The following RAB27B variants were observed in gnomAD, a reference collection of about 807,000 sequenced individuals.
RAB27B encodes the protein ras-related protein Rab-27B.
In RAB27B, 15 loss-of-function variants were observed where a neutral mutation model predicts 24.6. That is an observed-to-expected ratio of 0.61 (90% CI 0.41 to 0.94). RAB27B has a LOEUF of 0.94. Among genes scored for constraint, RAB27B ranks in the 40% least tolerant of loss-of-function variants. RAB27B has a pLI of 0.00. For missense variants in RAB27B, 261 were observed against 266.8 expected (o/e 0.98, Z 0.15); for synonymous variants, 105 against 92.5 (o/e 1.14, Z -0.78).
intron 1 of RAB27B, among the ~76,000 whole-genome samples, chr18:54,865,266 T>A (rs540446405): frequency 1.5e-4 from 23 of 151,886 alleles, no homozygotes; most frequent in African/African-American, 4.8e-4. Flanking sequence ...TGTGTGTGTG[T>A]GTGTGTGTCC....
At chr18:54,877,831 T>G in intron 2 of RAB27B, 93 bp downstream of exon 2, 1 of 1,290,502 alleles carries the variant, frequency 7.7e-7, no homozygotes, top group Non-Finnish European at 1.0e-6. Context: ...GAGTCTGTCT[T>G]TTGTCACACG....
At chr18:54,769,658 T>C (rs1908481360) in intron 2 of RAB27B, among the ~76,000 whole-genome samples, 1 of 152,196 alleles carries the variant, frequency 6.6e-6, no homozygotes, top group Non-Finnish European at 1.5e-5. Context: ...TGTGATTGCT[T>C]AGATATTCTT....
At chr18:54,801,717 A>G (rs1234831555) in intron 2 of RAB27B, among the ~76,000 whole-genome samples, 1 of 152,176 alleles carries the variant, frequency 6.6e-6, no homozygotes, top group Non-Finnish European at 1.5e-5. Context: ...AGTTGTGACA[A>G]CCAAAAATAT....
At chr18:54,748,968 C>T (rs1910344193) in intron 2 of RAB27B, among the ~76,000 whole-genome samples, 1 of 152,070 alleles carries the variant, frequency 6.6e-6, no homozygotes, top group African/African-American at 2.4e-5. Flanking sequence ...ATGGATGGGA[C>T]AAATTATGGA....
chr18:54,783,266 C>G (rs376779442), intron 2 of RAB27B, among the ~76,000 whole-genome samples: 1 of 152,052 alleles, frequency 6.6e-6, no homozygotes, highest in African/African-American at 2.4e-5. Context: ...CATGCTTGGC[C>G]TCATGATGAC....
At chr18:54,855,960 C>T (rs1277193842) in intron 1 of RAB27B, among the ~76,000 whole-genome samples, 1 of 152,216 alleles carries the variant, frequency 6.6e-6, no homozygotes, top group African/African-American at 2.4e-5. Context: ...GTGTTGTCAG[C>T]AACATTTGTT....
intron 1 of RAB27B, among the ~76,000 whole-genome samples, chr18:54,838,229 G>T (rs1358501528): frequency 6.6e-6 from 1 of 152,088 alleles, no homozygotes; most frequent in East Asian, 1.9e-4. Context: ...CAGAATAATT[G>T]TCTAGTAATG....
intron 2 of RAB27B, among the ~76,000 whole-genome samples, chr18:54,749,950 CAT>C (rs1432807571): frequency 6.6e-6 from 1 of 152,080 alleles, no homozygotes; most frequent in Non-Finnish European, 1.5e-5. Context: ...TTTAGAAATC[CAT>C]AGAGACAAGC....
chr18:54,757,754 A>C (rs536422380), intron 2 of RAB27B, among the ~76,000 whole-genome samples: 1 of 152,218 alleles, frequency 6.6e-6, no homozygotes, highest in East Asian at 1.9e-4. Context: ...CAGGACAATA[A>C]TAGGTTTTAT....
At chr18:54,852,824 T>A (rs1911639138) in intron 1 of RAB27B, among the ~76,000 whole-genome samples, 1 of 152,232 alleles carries the variant, frequency 6.6e-6, no homozygotes, top group Admixed American at 6.5e-5. Context: ...AGAATTGACT[T>A]AAAACACTAA....
chr18:54,823,933 GC>G (rs1743893883), upstream of RAB27B, among the ~76,000 whole-genome samples: 1 of 152,054 alleles, frequency 6.6e-6, no homozygotes, highest in African/African-American at 2.4e-5. Context: ...CGCCTCCTAA[GC>G]CCTGGTCTTA....
upstream of RAB27B, among the ~76,000 whole-genome samples, chr18:54,824,755 G>A (rs1019572835): frequency 9.2e-5 from 14 of 152,150 alleles, no homozygotes; most frequent in African/African-American, 2.9e-4. Context: ...GGAATCTGGC[G>A]GGCACTTCCC....
At chr18:54,733,163 A>G (rs1467995762) in intron 2 of RAB27B, among the ~76,000 whole-genome samples, 1 of 152,106 alleles carries the variant, frequency 6.6e-6, no homozygotes, top group Non-Finnish European at 1.5e-5. Context: ...CTTCTGCCTC[A>G]GCTTCCCAAG....
intron 1 of RAB27B, among the ~76,000 whole-genome samples, chr18:54,855,267 G>A (rs549787860): frequency 4.6e-5 from 7 of 152,308 alleles, no homozygotes; most frequent in South Asian, 4.1e-4. Flanking sequence ...TGTAAATACA[G>A]ATGAAGCTTT....
chr18:54,804,341 C>T (rs1404117513), intron 2 of RAB27B, among the ~76,000 whole-genome samples: 2 of 152,078 alleles, frequency 1.3e-5, no homozygotes, highest in South Asian at 2.1e-4. Flanking sequence ...ATCATGGGGA[C>T]CAATCTTTCC....
At chr18:54,864,969 A>G (rs1049959903) in intron 1 of RAB27B, among the ~76,000 whole-genome samples, 1 of 152,130 alleles carries the variant, frequency 6.6e-6, no homozygotes, top group Non-Finnish European at 1.5e-5. Context: ...ATTAAATTAA[A>G]TGTGTAGTGT....
intron 2 of RAB27B, among the ~76,000 whole-genome samples, chr18:54,821,762 T>C (rs1910317653): frequency 1.3e-5 from 2 of 152,258 alleles, no homozygotes; most frequent in African/African-American, 4.8e-5. Flanking sequence ...CTGTTATTTT[T>C]ATTTTTTTGA....
At chr18:54,851,846 G>T (rs1175741735) in intron 1 of RAB27B, among the ~76,000 whole-genome samples, 1 of 151,970 alleles carries the variant, frequency 6.6e-6, no homozygotes, top group Non-Finnish European at 1.5e-5. Context: ...AACAAAAAAA[G>T]CACCCATTTT....
At chr18:54,863,703 C>G (rs1395919900) in intron 1 of RAB27B, among the ~76,000 whole-genome samples, 1 of 152,160 alleles carries the variant, frequency 6.6e-6, no homozygotes, top group Non-Finnish European at 1.5e-5. Context: ...GCAAAAGCGC[C>G]TATACACTAT....
Sources: gnomAD v4.1 joint callset for allele counts (sites outside exome capture counted in the v4.1 genomes callset) on GRCh38, gnomAD v4.1.1 for gene constraint, MANE v1.5 for transcripts, NCBI Gene and HGNC (gene_info 2026-07-23, HGNC 2026-07-21) for gene names.